Variants in PLEKHG1 observed in about 807,000 individuals in gnomAD.
PLEKHG1 encodes the protein pleckstrin homology and RhoGEF domain containing G1.
PLEKHG1 carries 44 observed loss-of-function variants against 100.8 expected under a neutral mutation model. The ratio of observed to expected loss-of-function variants is 0.44; its 90% CI spans 0.34 to 0.56. The LOEUF is 0.56. Among genes scored for constraint, PLEKHG1 ranks in the 20% least tolerant of loss-of-function variants. PLEKHG1 has a pLI of 0.01. For synonymous variants in PLEKHG1, 640 were observed against 662.5 expected (o/e 0.97, Z 0.52); for missense variants, 1,545 against 1,720.9 (o/e 0.90, Z 1.81).
chr6:150,609,198 CCTTT>C (rs1776724245), intron 1 of PLEKHG1, among the ~76,000 whole-genome samples: 1 of 152,138 alleles, frequency 6.6e-6, no homozygotes, highest in South Asian at 2.1e-4. Flanking sequence ...AACACATGTC[CCTTT>C]CTAAGTTCTG....
At chr6:150,780,896 CAG>C (rs1785270983) in intron 3 of PLEKHG1, among the ~76,000 whole-genome samples, 1 of 151,866 alleles carries the variant, frequency 6.6e-6, no homozygotes, top group Admixed American at 6.6e-5. Context: ...TTTTCTGAGA[CAG>C]AGTCTCACTC....
chr6:150,729,781 G>A (rs150392905), intron 1 of PLEKHG1, among the ~76,000 whole-genome samples: 2 of 152,238 alleles, frequency 1.3e-5, no homozygotes, highest in Non-Finnish European at 2.9e-5. Context: ...TGGCAGCCAG[G>A]CCTGTACGTG....
intron 3 of PLEKHG1, among the ~76,000 whole-genome samples, chr6:150,688,304 T>G (rs1780212911): frequency 6.8e-6 from 1 of 147,260 alleles, no homozygotes; most frequent in Non-Finnish European, 1.5e-5. Context: ...AATCTTACAT[T>G]TTCTTCCTTT....
intron 3 of PLEKHG1, among the ~76,000 whole-genome samples, chr6:150,704,559 C>G (rs555078254): frequency 6.6e-5 from 10 of 152,362 alleles, no homozygotes; most frequent in African/African-American, 2.2e-4. Flanking sequence ...CTTGAGCTCT[C>G]CGTGGAGCAC....
At position 150,831,086 on chromosome 6, in the gene PLEKHG1, C is replaced by T; in HGVS notation, c.1975C>T (p.His659Tyr). Residue 659 changes from histidine (H) to tyrosine (Y), a missense_variant, in exon 15 of 16, where the codon CAT becomes TAT. Transcript: ENST00000358517. The surrounding 1 kb of genome is among the most constrained non-coding windows in gnomAD (Gnocchi z 4.1). ...AGAGTTGACTATTGATGACATAGACCATGTCTATGATAACATCAGTTATGA... is the reference window on the plus strand; with the variant it reads ...AGAGTTGACTATTGATGACATAGACTATGTCTATGATAACATCAGTTATGA... 9 of 1,613,458 alleles carry T rather than the reference C, an allele frequency of 5.6e-6. No homozygotes were observed. Among genetic ancestry groups the T allele is most frequent in the Non-Finnish European group, 7.6e-6 (9 of 1,179,450 alleles).
intron 3 of PLEKHG1, among the ~76,000 whole-genome samples, chr6:150,707,007 T>TTC (rs1286745994): frequency 1.5e-5 from 2 of 133,350 alleles, no homozygotes; most frequent in African/African-American, 5.5e-5. Context: ...TCTTTTTTTT[T>TTC]TTTTTTTTTT....
chr6:150,672,979 T>A (rs753435681), intron 3 of PLEKHG1, among the ~76,000 whole-genome samples: 1 of 152,232 alleles, frequency 6.6e-6, no homozygotes, highest in Non-Finnish European at 1.5e-5. Context: ...AGCATTTAAT[T>A]ACTGTGTTTG....
exon 3 of PLEKHG1, chr6:150,768,674 C>G: frequency 6.2e-7 from 1 of 1,612,804 alleles, no homozygotes; most frequent in Non-Finnish European, 8.5e-7. Context: ...AACAAAACTT[C>G]CCCTGGGGAC....
intron 3 of PLEKHG1, among the ~76,000 whole-genome samples, chr6:150,694,718 TA>T (rs1780480927): frequency 6.7e-6 from 1 of 148,602 alleles, no homozygotes; most frequent in African/African-American, 2.5e-5. Context: ...AAAATAAAAA[TA>T]AAAAATAAAA....
In PLEKHG1 at chr6:150,644,334, G is replaced by GTTTTGTTTTTTT. The variant is rs1554255839; in HGVS notation, c.-158+6213_-158+6214insGTTTTTTTTTTT. ...AAGAGAGTGGTTTTTTTCTTTTCGTGTTTTTTTTTTTTTTTTTTGTTACAG... is the reference window on the plus strand; with the variant it reads ...AAGAGAGTGGTTTTTTTCTTTTCGTGTTTTGTTTTTTTTTTTTTTTTTTTTTTTTTGTTACAG... On this transcript the variant is annotated intron_variant, in intron 2 of 3. Transcript: ENST00000367326. 1.2e-3 allele frequency among the ~76,000 whole-genome samples: 139 copies of GTTTTGTTTTTTT among 117,596 alleles called. 2 individuals are homozygous for GTTTTGTTTTTTT. Among genetic ancestry groups the GTTTTGTTTTTTT allele is most frequent in the African/African-American group, 4.3e-3 (123 of 28,620 alleles). The allele number at this position is 117,596 out of a possible 152,430, so 77.1% of individuals were successfully genotyped here.
chr6:150,631,622 G>T (rs1005798026), intron 1 of PLEKHG1, among the ~76,000 whole-genome samples: 4 of 152,236 alleles, frequency 2.6e-5, no homozygotes, highest in Admixed American at 2.6e-4. Flanking sequence ...AGTAAGACTT[G>T]TAGGAAAATA....
At chr6:150,642,848 T>TCAG (rs1215903406) in intron 2 of PLEKHG1, among the ~76,000 whole-genome samples, 1 of 152,242 alleles carries the variant, frequency 6.6e-6, no homozygotes, top group Non-Finnish European at 1.5e-5. Context: ...AAGAACCTGA[T>TCAG]GTCTTAGGCA....
At position 150,838,488 on chromosome 6, in the gene PLEKHG1, A is replaced by G. The variant is rs115461296; in HGVS notation, c.3095-1345A>G. ...TCCCAAGACAATTATTCTTCCTCCA[A>G]TGTCTTCTGGGGAAGCCAAAAGATT... On this transcript the variant is annotated intron_variant, in intron 15 of 15. Coordinates refer to ENST00000358517, the Ensembl canonical transcript of PLEKHG1. Among the ~76,000 whole-genome samples, 400 of 152,312 alleles carry G rather than the reference A, an allele frequency of 2.6e-3. 5 individuals carry two copies. The highest frequency in any genetic ancestry group is 9.0e-3 in the African/African-American group (373 of 41,574).
exon 5 of PLEKHG1, chr6:150,795,896 A>C: frequency 2.5e-6 from 4 of 1,597,406 alleles, no homozygotes; most frequent in Non-Finnish European, 2.6e-6. Flanking sequence ...TGCACTAACT[A>C]TCCAAGGTAT....
chr6:150,615,184 C>T (rs775470224), intron 1 of PLEKHG1, among the ~76,000 whole-genome samples: 5 of 152,140 alleles, frequency 3.3e-5, no homozygotes, highest in Admixed American at 6.6e-5. Flanking sequence ...TTAGAAATGC[C>T]TTTGCGACTT....
chr6:150,765,338 C>G (rs539150210), intron 2 of PLEKHG1, among the ~76,000 whole-genome samples: 4 of 142,050 alleles, frequency 2.8e-5, no homozygotes, highest in Non-Finnish European at 6.0e-5. Context: ...GCTAAAAATA[C>G]AAAAATTACC....
intron 3 of PLEKHG1, among the ~76,000 whole-genome samples, chr6:150,666,954 T>C (rs994254258): frequency 2.0e-5 from 3 of 152,056 alleles, no homozygotes; most frequent in African/African-American, 7.2e-5. Context: ...TATATGGAGT[T>C]TCACCGCGTT....
intron 10 of PLEKHG1, among the ~76,000 whole-genome samples, chr6:150,810,447 C>G (rs1292659811): frequency 2.1e-5 from 3 of 143,078 alleles, no homozygotes; most frequent in African/African-American, 7.8e-5. Context: ...TTAGTAGAGA[C>G]AGCAAGACCC....
intron 3 of PLEKHG1, among the ~76,000 whole-genome samples, chr6:150,709,222 T>C (rs1781153350): frequency 6.6e-6 from 1 of 152,076 alleles, no homozygotes; most frequent in Admixed American, 6.5e-5. Context: ...AGTTCCCAGC[T>C]ACTTAAGGAG....
Sources: gnomAD v4.1 joint callset for allele counts (sites outside exome capture counted in the v4.1 genomes callset) on GRCh38, gnomAD v4.1.1 for gene constraint, Gnocchi (gnomAD v3.1) non-coding constraint, MANE v1.5 for transcripts, NCBI Gene and HGNC (gene_info 2026-07-23, HGNC 2026-07-21) for gene names.